Variants in PCDHA8 observed in about 807,000 individuals in gnomAD.
PCDHA8 encodes protocadherin alpha-8.
Under a neutral mutation model 61.8 loss-of-function variants are expected in PCDHA8, and 53 were observed. The ratio of observed to expected loss-of-function variants is 0.86; its 90% confidence interval spans 0.69 to 1.08. PCDHA8 has a LOEUF of 1.08. Among genes scored for constraint, PCDHA8 ranks in the 50% least tolerant of loss-of-function variants. The probability of loss-of-function intolerance (pLI) is 0.00; values close to 1 mark genes in which losing one functional copy is unlikely to be tolerated. For synonymous variants in PCDHA8, 618 were observed against 556.6 expected (o/e 1.11, Z -1.55); for missense variants, 1,293 against 1,245.0 (o/e 1.04, Z -0.58).
chr5:140,866,444 T>G (rs1399450824), intron 1 of PCDHA8: 1 of 152,130 alleles, frequency 6.6e-6, no homozygotes, highest in African/African-American at 2.4e-5. Context: ...TTCTTCAGTC[T>G]TATTGTTGGC....
In PCDHA8 at chr5:140,979,026, A is replaced by AT. The variant is rs2096832382; in HGVS notation, c.2453+21dup. On this transcript the variant is annotated intron_variant, in intron 2 of 3. Coordinates refer to ENST00000531613, the MANE Select transcript of PCDHA8 (RefSeq NM_018911.3). ...TGCACAGGTATGTATTTCCCTCCTC[A>AT]TTCACTCAGAAGTAACCTTAACTTG... 1 of 1,613,372 alleles carries AT rather than the reference A, an allele frequency of 6.2e-7. No homozygotes were observed. The highest frequency in any genetic ancestry group is 1.3e-5 in the African/African-American group (1 of 74,882).
At chr5:140,850,229 C>A (rs2150474580) in intron 1 of PCDHA8, 3 of 1,593,694 alleles carry the variant, frequency 1.9e-6, no homozygotes, top group African/African-American at 2.7e-5. Flanking sequence ...GCGCAGTGAG[C>A]GAGATGGTGC....
chr5:140,924,910 AT>A (rs1554202346), intron 1 of PCDHA8, among the ~76,000 whole-genome samples: 33 of 63,422 alleles, frequency 5.2e-4, no homozygotes, highest in African/African-American at 1.8e-3. Context: ...AAAAAATAAA[AT>A]AAAATAAAAT....
At chr5:140,993,460 T>TCCCACACA (rs1554253699) in intron 3 of PCDHA8, among the ~76,000 whole-genome samples, 2 of 104,506 alleles carry the variant, frequency 1.9e-5, no homozygotes, top group African/African-American at 7.8e-5. Flanking sequence ...CTTCTTTCTT[T>TCCCACACA]CTCACACACA....
chr5:140,965,035 C>T (rs978573637), intron 1 of PCDHA8, among the ~76,000 whole-genome samples: 6 of 152,108 alleles, frequency 3.9e-5, no homozygotes, highest in Non-Finnish European at 5.9e-5. Context: ...TTTAACTGTC[C>T]GCTCTAGGAG....
rs2150315414 is a variant in PCDHA8 at position 140,841,435 on chromosome 5, G to A, written c.114G>A (p.Glu38=). 6.2e-7 allele frequency: 1 copy of A among 1,612,844 alleles called. No individual in the cohort carries two copies. Among genetic ancestry groups the A allele is most frequent in the South Asian group, 1.1e-5 (1 of 91,018 alleles). Residue 38 remains glutamate (E), a synonymous_variant, in exon 1 of 4, where the codon GAG becomes GAA. Transcript: ENST00000531613. ...SGQLHYSVPE[E]AKHGTFVGRI... is the part of the protein sequence containing the mutation. ...AGCTCCACTACTCCGTCCCCGAGGAGGCCAAACACGGCACCTTCGTGGGCC... is the reference window on the plus strand; with the variant it reads ...AGCTCCACTACTCCGTCCCCGAGGAAGCCAAACACGGCACCTTCGTGGGCC...
At chr5:140,995,132 A>G (rs2097665905) in intron 3 of PCDHA8, among the ~76,000 whole-genome samples, 1 of 152,222 alleles carries the variant, frequency 6.6e-6, no homozygotes, top group African/African-American at 2.4e-5. Flanking sequence ...CTGAAACCTC[A>G]TTTAGTACTG....
At chr5:141,000,743 T>TA (rs527867626) in intron 3 of PCDHA8, among the ~76,000 whole-genome samples, 4,963 of 145,376 alleles carry the variant, frequency 0.034, 280 homozygotes, top group African/African-American at 0.12. Flanking sequence ...CTCTGTATAT[T>TA]AAAAAAAAAA....
chr5:140,866,149 T>C (rs1554160036), intron 1 of PCDHA8: 1 of 152,130 alleles, frequency 6.6e-6, no homozygotes, highest in Non-Finnish European at 1.5e-5. Flanking sequence ...GGAAGTGATA[T>C]AAGTAAGAAT....
intron 1 of PCDHA8, chr5:140,851,778 A>G: frequency 3.1e-6 from 3 of 964,858 alleles, no homozygotes; most frequent in Non-Finnish European, 3.8e-6. Context: ...ATGAATTTAG[A>G]TGAGAATTCA....
At chr5:140,966,860 TTGC>T (rs148181752) in intron 1 of PCDHA8, 30 of 1,577,282 alleles carry the variant, frequency 1.9e-5, no homozygotes, top group Middle Eastern at 1.7e-4. Context: ...CCTGCTGCTG[TTGC>T]TGCTGCTGCT....
intron 1 of PCDHA8, chr5:140,863,238 T>G (rs1367184463): frequency 9.1e-6 from 12 of 1,318,616 alleles, no homozygotes; most frequent in Non-Finnish European, 1.3e-5. Context: ...CATCGCGGGC[T>G]TTGGCGGGCG....
chr5:140,975,358 A>T (rs1212652611), intron 1 of PCDHA8, among the ~76,000 whole-genome samples: 1 of 152,258 alleles, frequency 6.6e-6, no homozygotes, highest in East Asian at 1.9e-4. Flanking sequence ...CAACTGTGCT[A>T]CATAGCATAA....
chr5:140,946,271 A>G (rs2093916351), intron 1 of PCDHA8, among the ~76,000 whole-genome samples: 1 of 152,058 alleles, frequency 6.6e-6, no homozygotes, highest in Non-Finnish European at 1.5e-5. Context: ...GCGAATTAAA[A>G]CCCCAATGAG....
intron 1 of PCDHA8, chr5:140,929,631 A>G (rs1584645197): frequency 2.6e-6 from 1 of 386,808 alleles, no homozygotes; most frequent in Non-Finnish European, 4.7e-6. Flanking sequence ...TTTATAAGCA[A>G]CAGATGTGTA....
In PCDHA8 at chr5:140,876,439, A is replaced by G; in HGVS notation, c.2394+32724A>G. 4 of 1,613,988 alleles carry G rather than the reference A, an allele frequency of 2.5e-6. No individual in the cohort carries two copies. The East Asian group carries it at 8.9e-5, about 36-fold the overall frequency. ...TGCCTATGAAATTCAGGTTAACGCC[A>G]TTGATAAAGGGATTCCTTCCATGGC... is the stretch of plus-strand genomic sequence containing the variant. On this transcript the variant is annotated intron_variant, in intron 1 of 3. Transcript: ENST00000531613.
At chr5:140,995,559 A>G (rs2097689300) in intron 3 of PCDHA8, among the ~76,000 whole-genome samples, 1 of 152,242 alleles carries the variant, frequency 6.6e-6, no homozygotes, top group South Asian at 2.1e-4. Context: ...TGTACTGAAT[A>G]ATATGTCAAG....
intron 1 of PCDHA8, among the ~76,000 whole-genome samples, chr5:140,901,805 T>G (rs115665679): frequency 0.012 from 1,857 of 152,304 alleles, 44 homozygotes; most frequent in African/African-American, 0.042. Context: ...TGAACATTTT[T>G]ACAATATTGA....
chr5:141,011,852 A>T lies in PCDHA8; in HGVS notation c.*1915A>T, dbSNP rs1288551420. 1 of 153,718 alleles carries T rather than the reference A, an allele frequency of 6.5e-6. No individual in the cohort carries two copies. The highest frequency in any genetic ancestry group is 1.5e-5 in the Non-Finnish European group (1 of 68,038). 9.5% of individuals were successfully genotyped at this position (153,718 alleles called of 1,614,324 possible). A position where few individuals can be genotyped will look rare whatever the true frequency, so the allele number is the denominator to read the frequency against. ...CTGTCACCTTAAATAAGACATTTTA[A>T]TTTTGTTATAATGTACAATTTAGAA... On this transcript the variant is annotated 3_prime_UTR_variant, in exon 4 of 4. Transcript: ENST00000531613.
Sources: gnomAD v4.1 joint callset for allele counts (sites outside exome capture counted in the v4.1 genomes callset) on GRCh38, gnomAD v4.1.1 for gene constraint, MANE v1.5 for transcripts, NCBI Gene and HGNC (gene_info 2026-07-23, HGNC 2026-07-21) for gene names.